The following NRG1 variants were observed in gnomAD, a reference collection of about 807,000 sequenced individuals.
The protein encoded by NRG1 is neuregulin 1.
A neutral mutation model predicts 63.8 loss-of-function variants in NRG1; 18 were observed. That is an observed-to-expected ratio of 0.28 (90% confidence interval 0.19 to 0.42). NRG1 has a LOEUF of 0.42. NRG1 is among the 10% of genes least tolerant of loss of function. NRG1 has a pLI of 1.00. For missense variants in NRG1, 762 were observed against 814.7 expected (o/e 0.94, Z 0.79); for synonymous variants, 302 against 301.3 (o/e 1.00, Z -0.02).
At chr8:31,800,517 T>C (rs900568844) in intron 1 of NRG1, among the ~76,000 whole-genome samples, 2 of 152,192 alleles carry the variant, frequency 1.3e-5, no homozygotes, top group Non-Finnish European at 2.9e-5. Context: ...AGGACGATCT[T>C]CACCTAATGA....
chr8:31,671,992 G>A (rs1807202837), intron 1 of NRG1, among the ~76,000 whole-genome samples: 1 of 152,128 alleles, frequency 6.6e-6, no homozygotes, highest in South Asian at 2.1e-4. Flanking sequence ...TCAAAATGTT[G>A]CATACAAAAT....
At chr8:32,702,773 T>G (rs548834510) in intron 5 of NRG1, among the ~76,000 whole-genome samples, 1 of 152,194 alleles carries the variant, frequency 6.6e-6, no homozygotes, top group African/African-American at 2.4e-5. Context: ...TGAGCCACCA[T>G]GCCAGGCCTG....
In NRG1 at chr8:31,880,591, T is replaced by C. The variant is rs189004390; in HGVS notation, c.37+241160T>C. 1.0e-3 allele frequency among the ~76,000 whole-genome samples: 153 copies of C among 152,318 alleles called. 1 individual carries two copies. Among genetic ancestry groups the C allele is most frequent in the Non-Finnish European group, 9.6e-4 (65 of 68,034 alleles). Reference sequence around the variant, plus strand: ...CAATGTTAAATCCCCTCTCCATGTCTGAACCTTCAATAAAACAGACTATTA... The same window carrying C: ...CAATGTTAAATCCCCTCTCCATGTCCGAACCTTCAATAAAACAGACTATTA... On this transcript the variant is annotated intron_variant, in intron 1 of 10. Coordinates refer to the NRG1 transcript ENST00000519301.
chr8:31,808,663 A>G (rs1423255523), intron 1 of NRG1, among the ~76,000 whole-genome samples: 1 of 152,080 alleles, frequency 6.6e-6, no homozygotes, highest in Non-Finnish European at 1.5e-5. Flanking sequence ...ACCTGTGAGT[A>G]AAAATATTTT....
At chr8:32,721,790 A>G in intron 5 of NRG1, 4 of 1,257,176 alleles carry the variant, frequency 3.2e-6, no homozygotes, top group East Asian at 3.1e-5. Context: ...GACTCCACCT[A>G]TCATTCCCTT....
At chr8:32,585,078 G>C (rs1333922354) in intron 1 of NRG1, among the ~76,000 whole-genome samples, 1 of 151,922 alleles carries the variant, frequency 6.6e-6, no homozygotes, top group East Asian at 1.9e-4. Flanking sequence ...AAACACATCA[G>C]AACAGAAAAA....
At chr8:31,747,724 C>T (rs377306591) in intron 1 of NRG1, among the ~76,000 whole-genome samples, 1 of 151,850 alleles carries the variant, frequency 6.6e-6, no homozygotes, top group Admixed American at 6.6e-5. Flanking sequence ...TCTGTCAACT[C>T]GATTAACACA....
chr8:31,887,661 T>C (rs768804534), intron 1 of NRG1, among the ~76,000 whole-genome samples: 4 of 152,014 alleles, frequency 2.6e-5, no homozygotes. Context: ...AAAATATGAT[T>C]TAAGAGAAGT....
intron 1 of NRG1, among the ~76,000 whole-genome samples, chr8:32,264,615 C>T (rs932096771): frequency 6.6e-6 from 1 of 152,120 alleles, no homozygotes; most frequent in African/African-American, 2.4e-5. Flanking sequence ...CTACAATTTG[C>T]AATGCACTGT....
intron 1 of NRG1, among the ~76,000 whole-genome samples, chr8:31,644,003 T>C (rs1197594111): frequency 6.6e-6 from 1 of 152,228 alleles, no homozygotes. Flanking sequence ...TAAACATCTT[T>C]ATCAAATATT....
chr8:31,749,755 A>G (rs974153002), intron 1 of NRG1, among the ~76,000 whole-genome samples: 2 of 142,294 alleles, frequency 1.4e-5, no homozygotes, highest in African/African-American at 5.1e-5. Context: ...ATATATATAT[A>G]TCTTCATAGA....
At chr8:31,875,598 C>G (rs1230351724) in intron 1 of NRG1, among the ~76,000 whole-genome samples, 5 of 152,152 alleles carry the variant, frequency 3.3e-5, no homozygotes, top group Non-Finnish European at 5.9e-5. Context: ...GTTCTCTTTT[C>G]TTCCTGTCTC....
chr8:31,764,388 G>A (rs1264882238), intron 1 of NRG1, among the ~76,000 whole-genome samples: 2 of 152,070 alleles, frequency 1.3e-5, no homozygotes, highest in African/African-American at 4.8e-5. Flanking sequence ...CAGCCATGAT[G>A]ACTTCCCTCC....
upstream of NRG1, among the ~76,000 whole-genome samples, chr8:32,548,043 C>A (rs559280349): frequency 6.6e-6 from 1 of 152,102 alleles, no homozygotes; most frequent in African/African-American, 2.4e-5. Context: ...GGTCTCCGCG[C>A]AGCGTCCAGC....
chr8:32,486,627 A>ATTTTTTTTTTTTT (rs1554557143), intron 1 of NRG1, among the ~76,000 whole-genome samples: 14 of 145,564 alleles, frequency 9.6e-5, no homozygotes, highest in African/African-American at 3.3e-4. Context: ...GAATTGCTGG[A>ATTTTTTTTTTTTT]TTTTTTTTTT....
chr8:32,732,494 G>T (rs938280113), intron 6 of NRG1, among the ~76,000 whole-genome samples: 1 of 152,088 alleles, frequency 6.6e-6, no homozygotes, highest in Non-Finnish European at 1.5e-5. Context: ...GGACAGATGT[G>T]CCTTCATCTG....
At position 32,708,708 on chromosome 8, in the gene NRG1, T is replaced by C. The variant is rs570703680; in HGVS notation, c.503-19241T>C. 3.3e-5 allele frequency among the ~76,000 whole-genome samples: 5 copies of C among 152,358 alleles called. No individual in the cohort carries two copies. The East Asian group carries it at 9.6e-4, about 29-fold the overall frequency. On this transcript the variant is annotated intron_variant, in intron 5 of 11. Coordinates refer to ENST00000356819, the Ensembl canonical transcript of NRG1. Reference sequence around the variant, plus strand: ...GATCATGTGTATTTTTGCCCTGGCATGTTGAAGTCACACAATAATTCTTTC... The same window carrying C: ...GATCATGTGTATTTTTGCCCTGGCACGTTGAAGTCACACAATAATTCTTTC...
intron 1 of NRG1, among the ~76,000 whole-genome samples, chr8:32,137,122 G>T (rs148874892): frequency 1.3e-5 from 2 of 151,954 alleles, no homozygotes; most frequent in African/African-American, 4.8e-5. Flanking sequence ...CTCCTTTACC[G>T]CTGAGTCACC....
intron 1 of NRG1, among the ~76,000 whole-genome samples, chr8:32,075,973 A>G (rs561263090): frequency 2.2e-4 from 33 of 152,316 alleles, no homozygotes; most frequent in African/African-American, 4.6e-4. Flanking sequence ...GCGCTCGGCC[A>G]CATGTTTTTA....
Sources: gnomAD v4.1 joint callset for allele counts (sites outside exome capture counted in the v4.1 genomes callset) on GRCh38, gnomAD v4.1.1 for gene constraint, MANE v1.5 for transcripts, NCBI Gene and HGNC (gene_info 2026-07-23, HGNC 2026-07-21) for gene names.